Variants in PCDHGA8 observed in about 807,000 individuals in gnomAD.
PCDHGA8 encodes the protein protocadherin gamma-A8.
In PCDHGA8, 45 loss-of-function variants were observed where a neutral mutation model predicts 59.2. The observed-to-expected ratio is 0.76, with a 90% CI of 0.60 to 0.98. The LOEUF (loss-of-function observed/expected upper bound fraction) is 0.98, where lower values mean the gene tolerates loss of function less well. PCDHGA8 is among the 50% of genes least tolerant of loss of function. The pLI is 0.00. For synonymous variants in PCDHGA8, 531 were observed against 519.0 expected, an observed-to-expected ratio of 1.02 and a Z score of -0.32; for missense variants, 1,257 against 1,196.2, an observed-to-expected ratio of 1.05 and a Z score of -0.75.
chr5:141,495,276 G>A (rs1350329744), intron 2 of PCDHGA8, among the ~76,000 whole-genome samples: 1 of 152,190 alleles, frequency 6.6e-6, no homozygotes, highest in East Asian at 1.9e-4. Flanking sequence ...GACCGGAGGA[G>A]GCGGTCCGCA....
chr5:141,479,050 C>G (rs1484021560), intron 1 of PCDHGA8, among the ~76,000 whole-genome samples: 1 of 152,164 alleles, frequency 6.6e-6, no homozygotes, highest in South Asian at 2.1e-4. Context: ...ACCTCATTCT[C>G]AGATAATTTT....
chr5:141,467,736 G>A (rs1435480730), intron 1 of PCDHGA8, among the ~76,000 whole-genome samples: 1 of 151,902 alleles, frequency 6.6e-6, no homozygotes, highest in Non-Finnish European at 1.5e-5. Flanking sequence ...ATCCCAGCTC[G>A]CTGCAACCTC....
intron 1 of PCDHGA8, chr5:141,399,640 G>A: frequency 6.2e-7 from 1 of 1,613,836 alleles, no homozygotes; most frequent in Non-Finnish European, 8.5e-7. Flanking sequence ...GTCCATGAGC[G>A]CGCAAAGTGG....
chr5:141,484,960 C>A, intron 1 of PCDHGA8: 1 of 577,142 alleles, frequency 1.7e-6, no homozygotes, highest in Non-Finnish European at 3.1e-6. Flanking sequence ...TTGGCTGAGC[C>A]CGGGAGCCGC....
Position 141,432,846 on chromosome 5 carries a change from C to T in PCDHGA8, c.2424+37609C>T, listed in dbSNP as rs1312403897. ...GACCTCACTCTGTACCTGGTGGTAGCGGTGGCCGCGGTCTCCTGCGTCTTC... is the reference window on the plus strand; with the variant it reads ...GACCTCACTCTGTACCTGGTGGTAGTGGTGGCCGCGGTCTCCTGCGTCTTC... On this transcript the variant is annotated intron_variant, in intron 1 of 3. Transcript: ENST00000398604. The surrounding 1 kb of genome is among the most constrained non-coding windows in gnomAD (Gnocchi z 6.0). 2.5e-6 allele frequency: 4 copies of T among 1,614,192 alleles called. No homozygotes were observed. The African/African-American group carries it at 5.3e-5, about 22-fold the overall frequency.
At chr5:141,473,401 T>G (rs1285517100) in intron 1 of PCDHGA8, among the ~76,000 whole-genome samples, 3 of 152,222 alleles carry the variant, frequency 2.0e-5, no homozygotes. Context: ...GCTTCTTTTT[T>G]TCTTCTTCAG....
chr5:141,429,638 A>G (rs2097231013), intron 1 of PCDHGA8, among the ~76,000 whole-genome samples: 1 of 152,238 alleles, frequency 6.6e-6, no homozygotes, highest in African/African-American at 2.4e-5. Flanking sequence ...ACAGCTACCT[A>G]TATATTTCTT....
chr5:141,478,692 A>C (rs1459911657), intron 1 of PCDHGA8: 2 of 1,550,666 alleles, frequency 1.3e-6, no homozygotes, highest in African/African-American at 2.7e-5. Context: ...CCTAGATCAA[A>C]GTTAGTGCCT....
chr5:141,422,556 G>T, intron 1 of PCDHGA8: 1 of 1,613,908 alleles, frequency 6.2e-7, no homozygotes, highest in South Asian at 1.1e-5. Context: ...GGCTGAATGT[G>T]GCAGATGACA....
rs1561869034 is a variant in PCDHGA8 at position 141,433,357 on chromosome 5, G to GT, written c.2424+38120_2424+38121insT. On this transcript the variant is annotated intron_variant, in intron 1 of 3. Transcript: ENST00000398604. ...TACAGGTGCAAGCCACCTACTGTCT[G>GT]CCTATCTATCTATCTATCTATCTAT... 125 of 569,056 alleles carry GT rather than the reference G, an allele frequency of 2.2e-4. No homozygotes were observed. In the African/African-American group the frequency reaches 2.4e-3, roughly 11 times the overall value. The allele number at this position is 569,056 out of a possible 1,614,324, so 35.3% of individuals were successfully genotyped here. A position where few individuals can be genotyped will look rare whatever the true frequency, so the allele number is the denominator to read the frequency against.
At chr5:141,461,974 C>T (rs2099027742) in intron 1 of PCDHGA8, among the ~76,000 whole-genome samples, 1 of 152,202 alleles carries the variant, frequency 6.6e-6, no homozygotes, top group Non-Finnish European at 1.5e-5. Context: ...CAGGCATATG[C>T]CACCACGCCA....
At chr5:141,428,532 C>T (rs1561836699) in intron 1 of PCDHGA8, 7 of 277,518 alleles carry the variant, frequency 2.5e-5, no homozygotes, top group Non-Finnish European at 5.0e-5. Context: ...TTAATTTTCT[C>T]ACCATGACAC....
At chr5:141,410,370 C>T (rs780808768) in intron 1 of PCDHGA8, 2 of 1,614,060 alleles carry the variant, frequency 1.2e-6, no homozygotes, top group South Asian at 2.2e-5. Flanking sequence ...AGCCCTGCTA[C>T]TTGGGACTGC....
intron 1 of PCDHGA8, among the ~76,000 whole-genome samples, chr5:141,461,433 C>A (rs183800312): frequency 1.3e-5 from 2 of 151,970 alleles, no homozygotes; most frequent in Non-Finnish European, 1.5e-5. Context: ...CATTTGTATA[C>A]CTTCTTTTGA....
In PCDHGA8 at chr5:141,400,299, A is replaced by G. The variant is rs374558900; in HGVS notation, c.2424+5062A>G. The G allele has an allele frequency of 9.8e-5, 158 of 1,613,834 alleles. 1 individual carries two copies. In the East Asian group the frequency reaches 1.2e-3, roughly 12 times the overall value. ...GCCCTGCCGCCTGGAGCTGCTTCCAACCTGGTCTCTGTGTCAAGTCTGGAC... is the reference window on the plus strand; with the variant it reads ...GCCCTGCCGCCTGGAGCTGCTTCCAGCCTGGTCTCTGTGTCAAGTCTGGAC... On this transcript the variant is annotated intron_variant, in intron 1 of 3. Coordinates refer to ENST00000398604, the MANE Select transcript of PCDHGA8 (RefSeq NM_032088.2).
intron 3 of PCDHGA8, among the ~76,000 whole-genome samples, chr5:141,509,015 C>T (rs1370464396): frequency 6.6e-6 from 1 of 152,098 alleles, no homozygotes; most frequent in East Asian, 1.9e-4. Flanking sequence ...AAGTGGGCAG[C>T]TGCTCCCTCC....
Position 141,485,209 on chromosome 5 carries a change from G to T in PCDHGA8, c.2425-9598G>T, listed in dbSNP as rs2099609420. The T allele has an allele frequency of 6.2e-7, 1 of 1,614,032 alleles. No individual in the cohort carries two copies. Among genetic ancestry groups the T allele is most frequent in the African/African-American group, 1.3e-5 (1 of 74,938 alleles). On this transcript the variant is annotated intron_variant, in intron 1 of 3. Transcript: ENST00000398604. This position sits in a 1 kb window ranked among gnomAD's most constrained non-coding sequence, Gnocchi z 5.7. Reference sequence around the variant, plus strand: ...AGGTGAGAAGCTGGACAGAAATCTGGCGGTGGGCTACCCTTTTGTTCCTCT... The same window carrying T: ...AGGTGAGAAGCTGGACAGAAATCTGTCGGTGGGCTACCCTTTTGTTCCTCT...
At position 141,409,359 on chromosome 5, in the gene PCDHGA8, T is replaced by C. The variant is rs371907890; in HGVS notation, c.2424+14122T>C. ...GGAAATGGAGAAGTCAGGTGTAATA[T>C]AGAAACAGACATTCCATTCAAGATT... On this transcript the variant is annotated intron_variant, in intron 1 of 3. Coordinates refer to ENST00000398604, the MANE Select transcript of PCDHGA8 (RefSeq NM_032088.2). 6.8e-6 allele frequency: 11 copies of C among 1,614,026 alleles called. No individual in the cohort carries two copies. The highest frequency in any genetic ancestry group is 8.5e-6 in the Non-Finnish European group (10 of 1,179,908).
chr5:141,400,513 C>A, intron 1 of PCDHGA8: 1 of 1,613,994 alleles, frequency 6.2e-7, no homozygotes, highest in Non-Finnish European at 8.5e-7. Context: ...GTCGACTTCC[C>A]ATCCTGAGTT....
Sources: allele counts gnomAD v4.1 joint callset (sites outside exome capture counted in the v4.1 genomes callset), GRCh38; gene constraint gnomAD v4.1.1; non-coding constraint Gnocchi (gnomAD v3.1); transcripts MANE v1.5; gene names NCBI Gene and HGNC (gene_info 2026-07-23, HGNC 2026-07-21).